CACNA1C: variants seen among roughly 807,000 people sequenced by gnomAD.
CACNA1C encodes the protein calcium voltage-gated channel subunit alpha1 C, also known as voltage-dependent L-type calcium channel subunit alpha-1C.
CACNA1C carries 30 observed loss-of-function variants against 229.0 expected under a neutral mutation model. The observed-to-expected ratio is 0.13, with a 90% CI of 0.10 to 0.18. The LOEUF is 0.18. Among genes scored for constraint, CACNA1C ranks in the 10% least tolerant of loss-of-function variants. The pLI, the probability that CACNA1C is intolerant of heterozygous loss-of-function variation, is 1.00. For synonymous variants in CACNA1C, 1,114 were observed against 1,132.5 expected (o/e 0.98, Z 0.33); for missense variants, 1,658 against 2,845.0 (o/e 0.58, Z 9.49).
intron 1 of CACNA1C, among the ~76,000 whole-genome samples, chr12:2,072,163 A>G (rs1005185145): frequency 2.0e-5 from 3 of 151,490 alleles, no homozygotes; most frequent in African/African-American, 4.8e-5. Flanking sequence ...AATGTATGCA[A>G]CAAGATTATA....
chr12:2,107,792 T>G (rs2238027), intron 1 of CACNA1C, among the ~76,000 whole-genome samples: 99,296 of 152,120 alleles, frequency 0.65, 33,050 homozygotes, highest in Non-Finnish European at 0.72. Context: ...ATTCATTCGC[T>G]ATTGCCTTTT....
At chr12:2,468,887 T>C (rs1197695794) in intron 5 of CACNA1C, among the ~76,000 whole-genome samples, 1 of 152,190 alleles carries the variant, frequency 6.6e-6, no homozygotes, top group East Asian at 1.9e-4. Flanking sequence ...CGCCCTAGAG[T>C]ATTAGCCTTT....
intron 5 of CACNA1C, among the ~76,000 whole-genome samples, chr12:2,471,966 A>G (rs1038057359): frequency 1.3e-5 from 2 of 152,248 alleles, no homozygotes; most frequent in Non-Finnish European, 2.9e-5. Context: ...GGCGTGAGCC[A>G]CCATGCCTGG....
At chr12:2,396,989 G>A (rs2098596307) in intron 3 of CACNA1C, among the ~76,000 whole-genome samples, 1 of 152,222 alleles carries the variant, frequency 6.6e-6, no homozygotes, top group South Asian at 2.1e-4. Context: ...CCTGTTAGTA[G>A]TTCTAAACTA....
chr12:2,249,475 A>T (rs1327544146), intron 3 of CACNA1C, among the ~76,000 whole-genome samples: 3 of 152,178 alleles, frequency 2.0e-5, no homozygotes, highest in Non-Finnish European at 2.9e-5. Context: ...CTGACCCTTT[A>T]CAGAAAAAGT....
intron 3 of CACNA1C, among the ~76,000 whole-genome samples, chr12:2,227,152 C>T (rs2154357151): frequency 6.6e-6 from 1 of 152,348 alleles, no homozygotes; most frequent in South Asian, 2.1e-4. Flanking sequence ...AAATCATCCC[C>T]TCCTGACTTT....
In CACNA1C at chr12:2,677,964, C is replaced by A; in HGVS notation, c.5091+97C>A. The A allele has an allele frequency of 7.1e-7, 1 of 1,415,208 alleles. No homozygotes were observed. The highest frequency in any genetic ancestry group is 9.8e-7 in the Non-Finnish European group (1 of 1,017,590). 87.7% of individuals were successfully genotyped at this position (1,415,208 alleles called of 1,614,324 possible). ...TGCGGGGAACGTCCAGGGGAAGGAG[C>A]TGCACCAGAGGAAAGGGCTACTTCC... On this transcript the variant is annotated intron_variant, in intron 41 of 46. Coordinates refer to ENST00000399655, the MANE Select transcript of CACNA1C (RefSeq NM_000719.7). This position sits in a 1 kb window ranked among gnomAD's most constrained non-coding sequence, Gnocchi z 7.4.
intron 2 of CACNA1C, among the ~76,000 whole-genome samples, chr12:2,116,580 G>A (rs1024793304): frequency 2.0e-5 from 3 of 152,118 alleles, no homozygotes; most frequent in African/African-American, 7.2e-5. Flanking sequence ...TGTTAGCCAG[G>A]ATGGTCTCGA....
chr12:2,327,985 A>C (rs1011749310), intron 3 of CACNA1C, among the ~76,000 whole-genome samples: 2 of 152,206 alleles, frequency 1.3e-5, no homozygotes, highest in East Asian at 3.8e-4. Context: ...AGATGAGATC[A>C]TTTAATTACT....
intron 1 of CACNA1C, among the ~76,000 whole-genome samples, chr12:2,041,050 C>A (rs1237954582): frequency 6.6e-6 from 1 of 152,118 alleles, no homozygotes; most frequent in Non-Finnish European, 1.5e-5. Context: ...TGATTGAAGG[C>A]CAGAACTGAA....
intron 3 of CACNA1C, among the ~76,000 whole-genome samples, chr12:2,174,419 G>A (rs889065573): frequency 6.6e-6 from 1 of 152,170 alleles, no homozygotes; most frequent in African/African-American, 2.4e-5. Flanking sequence ...AAGACAGGTA[G>A]TTTTTATATT....
chr12:2,428,162 G>A (rs1490008905), intron 3 of CACNA1C, among the ~76,000 whole-genome samples: 1 of 152,030 alleles, frequency 6.6e-6, no homozygotes, highest in Non-Finnish European at 1.5e-5. Flanking sequence ...ACAGAAGCAA[G>A]CCCCAATTTT....
At chr12:2,438,550 A>T (rs1424127925) in intron 3 of CACNA1C, among the ~76,000 whole-genome samples, 1 of 151,992 alleles carries the variant, frequency 6.6e-6, no homozygotes, top group African/African-American at 2.4e-5. Context: ...TGGGAAGGGC[A>T]TGAAGAAGAA....
At chr12:2,197,993 T>A (rs2097461325) in intron 3 of CACNA1C, among the ~76,000 whole-genome samples, 1 of 152,218 alleles carries the variant, frequency 6.6e-6, no homozygotes, top group South Asian at 2.1e-4. Context: ...AATTCAAATT[T>A]ATTTTCTCCT....
At chr12:2,430,968 C>A (rs1387003380) in intron 3 of CACNA1C, among the ~76,000 whole-genome samples, 2 of 152,178 alleles carry the variant, frequency 1.3e-5, no homozygotes, top group Admixed American at 1.3e-4. Flanking sequence ...CGGCTTCAGG[C>A]AAAGCTTCTG....
intron 3 of CACNA1C, among the ~76,000 whole-genome samples, chr12:2,400,984 C>T (rs764785713): frequency 5.3e-5 from 8 of 152,144 alleles, no homozygotes; most frequent in Non-Finnish European, 1.2e-4. Flanking sequence ...GTCCCCTTCT[C>T]CCAAGTCCCC....
intron 3 of CACNA1C, among the ~76,000 whole-genome samples, chr12:2,431,155 C>A (rs1320706706): frequency 6.6e-6 from 1 of 152,174 alleles, no homozygotes; most frequent in Non-Finnish European, 1.5e-5. Flanking sequence ...GAAGTGGGGA[C>A]CTTGTTAGAA....
At chr12:2,015,858 G>T (rs2045275620) in intron 1 of CACNA1C, among the ~76,000 whole-genome samples, 1 of 152,234 alleles carries the variant, frequency 6.6e-6, no homozygotes, top group South Asian at 2.1e-4. Context: ...TCAATAAAAT[G>T]AGGTTGCTAA....
chr12:2,081,918 T>A (rs184843363), intron 1 of CACNA1C, among the ~76,000 whole-genome samples: 1 of 152,248 alleles, frequency 6.6e-6, no homozygotes, highest in African/African-American at 2.4e-5. Flanking sequence ...GAATAACAAC[T>A]AATATATGCG....
Sources: allele counts gnomAD v4.1 joint callset (sites outside exome capture counted in the v4.1 genomes callset), GRCh38; gene constraint gnomAD v4.1.1; non-coding constraint Gnocchi (gnomAD v3.1); transcripts MANE v1.5; gene names NCBI Gene and HGNC (gene_info 2026-07-23, HGNC 2026-07-21).